Variants in CRISPLD1 observed in about 807,000 individuals in gnomAD.
The protein encoded by CRISPLD1 is cysteine-rich secretory protein LCCL domain-containing 1.
In CRISPLD1, 60 loss-of-function variants were observed where a neutral mutation model predicts 77.5. That is an observed-to-expected ratio of 0.77 (90% CI 0.63 to 0.96). The LOEUF (loss-of-function observed/expected upper bound fraction) is 0.96, where lower values mean the gene tolerates loss of function less well. Ranked by LOEUF, CRISPLD1 falls within the 40% of genes least tolerant of loss-of-function variation. The pLI, the probability that CRISPLD1 is intolerant of heterozygous loss-of-function variation, is 0.00. For missense variants in CRISPLD1, 623 were observed against 615.8 expected, an observed-to-expected ratio of 1.01 and a Z score of -0.12; for synonymous variants, 195 against 200.1, an observed-to-expected ratio of 0.97 and a Z score of 0.22.
intron 2 of CRISPLD1, among the ~76,000 whole-genome samples, chr8:75,010,751 G>A (rs931590433): frequency 1.3e-5 from 2 of 151,768 alleles, no homozygotes; most frequent in Admixed American, 6.6e-5. Flanking sequence ...TCTTGTTAGA[G>A]TTTTTTCCTT....
rs1464858066 is a variant in CRISPLD1, at chr8:75,016,814, G to T, written c.869-67G>T. 5 of 1,525,782 alleles carry T rather than the reference G, an allele frequency of 3.3e-6. No homozygotes were observed. In the East Asian group the frequency reaches 9.1e-5, roughly 28 times the overall value. 94.5% of individuals were successfully genotyped at this position (1,525,782 alleles called of 1,614,324 possible). On this transcript the variant is annotated intron_variant, in intron 7 of 14. Coordinates refer to ENST00000262207, the MANE Select transcript of CRISPLD1 (RefSeq NM_031461.6). ...AGAATGGAAAAAATTTTGTCATTAG[G>T]CTATATATAATGAACTACAACTGCT... is the stretch of plus-strand genomic sequence containing the variant.
intron 2 of CRISPLD1, among the ~76,000 whole-genome samples, chr8:75,007,467 C>A (rs906139251): frequency 6.6e-6 from 1 of 151,964 alleles, no homozygotes; most frequent in African/African-American, 2.4e-5. Context: ...CAAAGGATAG[C>A]AAATTTTTAT....
chr8:74,992,234 G>C (rs1360866406), intron 2 of CRISPLD1, among the ~76,000 whole-genome samples: 2 of 152,154 alleles, frequency 1.3e-5, no homozygotes, highest in Non-Finnish European at 2.9e-5. Flanking sequence ...ACCAAAACCA[G>C]AGATATCGAT....
At chr8:74,991,372 C>T (rs913008893) in intron 2 of CRISPLD1, among the ~76,000 whole-genome samples, 3 of 152,134 alleles carry the variant, frequency 2.0e-5, no homozygotes, top group South Asian at 2.1e-4. Context: ...AACCAATCTG[C>T]GCTGGTTGCT....
intron 12 of CRISPLD1, among the ~76,000 whole-genome samples, chr8:75,022,686 G>A (rs965779896): frequency 6.6e-6 from 1 of 151,858 alleles, no homozygotes; most frequent in African/African-American, 2.4e-5. Flanking sequence ...AGGGAACCAT[G>A]TAGTTGGTAT....
At chr8:74,995,458 T>A (rs1812632187) in intron 2 of CRISPLD1, among the ~76,000 whole-genome samples, 1 of 152,158 alleles carries the variant, frequency 6.6e-6, no homozygotes, top group African/African-American at 2.4e-5. Flanking sequence ...ACATGCAACA[T>A]CTCCTGTGGG....
chr8:75,006,033 C>T (rs930772273), intron 2 of CRISPLD1, among the ~76,000 whole-genome samples: 1 of 152,022 alleles, frequency 6.6e-6, no homozygotes, highest in Non-Finnish European at 1.5e-5. Context: ...GAACATTGTA[C>T]CCAATTACCA....
Position 75,016,655 on chromosome 8 carries a change from C to A in CRISPLD1, c.818C>A (p.Thr273Lys). Residue 273 changes from threonine to lysine, a missense_variant, in exon 7 of 15, where the codon ACA becomes AAA. Physicochemically the swap from Thr to Lys is moderately conservative, Grantham distance 78. Coordinates refer to ENST00000262207, the MANE Select transcript of CRISPLD1 (RefSeq NM_031461.6). ...QSQVHDTHVR[T>K]RSDDSSRNEV... ...CAAGTCCATGACACCCATGTCCGGA[C>A]AAGATCAGATGATAGTAGCAGAAAT... 6.2e-7 allele frequency: 1 copy of A among 1,613,346 alleles called. No individual in the cohort carries two copies. Among genetic ancestry groups the A allele is most frequent in the Non-Finnish European group, 8.5e-7 (1 of 1,179,548 alleles).
chr8:75,032,078 A>G, intron 14 of CRISPLD1, 113 bp from the exon 15 acceptor site: 2 of 672,044 alleles, frequency 3.0e-6, no homozygotes, highest in South Asian at 4.6e-5. Context: ...AAAGTTGACC[A>G]TCTGGATTCA....
intron 2 of CRISPLD1, among the ~76,000 whole-genome samples, chr8:74,994,412 G>A (rs1478213346): frequency 6.6e-6 from 1 of 152,172 alleles, no homozygotes; most frequent in Non-Finnish European, 1.5e-5. Context: ...TGGCTACTGT[G>A]TTTTGAAAAC....
chr8:75,002,722 C>T (rs1812766508), intron 2 of CRISPLD1, among the ~76,000 whole-genome samples: 1 of 151,904 alleles, frequency 6.6e-6, no homozygotes, highest in Non-Finnish European at 1.5e-5. Context: ...CCTCGGAATT[C>T]CTGTTTGTGT....
At chr8:75,013,168 A>G in intron 4 of CRISPLD1, 146 bp downstream of exon 4, 1 of 573,640 alleles carries the variant, frequency 1.7e-6, no homozygotes. Flanking sequence ...ATTGGCTTAC[A>G]AAGTTCTATA....
At position 75,012,462 on chromosome 8, in the gene CRISPLD1, A is replaced by G. The variant is rs1201258508; in HGVS notation, c.288A>G (p.Ala96=). The G allele has an allele frequency of 1.2e-6, 2 of 1,612,892 alleles. No homozygotes were observed. Among genetic ancestry groups the G allele is most frequent in the Non-Finnish European group, 1.7e-6 (2 of 1,179,166 alleles). ...GGGATGTAGAGCTGGAAAGATCTGC[A>G]GAATCCTGGGCTGAAAGTTGCTTGT... ...MTWDVELERS[A]ESWAESCLWE... is the part of the protein sequence containing the mutation. The change falls in exon 3 of 15, where the codon GCA becomes GCG. Residue 96 remains alanine (A), a synonymous_variant. Coordinates refer to ENST00000262207, the MANE Select transcript of CRISPLD1 (RefSeq NM_031461.6).
intron 2 of CRISPLD1, among the ~76,000 whole-genome samples, chr8:75,002,580 G>C (rs922976383): frequency 6.6e-6 from 1 of 151,932 alleles, no homozygotes; most frequent in Admixed American, 6.6e-5. Context: ...GGGTGCCCAG[G>C]CTTTTGTGGT....
intron 2 of CRISPLD1, among the ~76,000 whole-genome samples, chr8:74,992,785 C>G (rs1003969283): frequency 1.3e-5 from 2 of 152,120 alleles, no homozygotes; most frequent in Non-Finnish European, 2.9e-5. Context: ...CAACCAGAAC[C>G]CAGGGGCCAA....
chr8:74,996,053 TATAA>T (rs1812641969), intron 2 of CRISPLD1, among the ~76,000 whole-genome samples: 1 of 148,370 alleles, frequency 6.7e-6, no homozygotes, highest in Admixed American at 6.7e-5. Context: ...TATATATATA[TATAA>T]ATACGCATGT....
chr8:74,993,141 C>T (rs917164995), intron 2 of CRISPLD1, among the ~76,000 whole-genome samples: 14 of 152,218 alleles, frequency 9.2e-5, no homozygotes, highest in East Asian at 1.9e-4. Flanking sequence ...GGCCTTATAA[C>T]TTATTTACCC....
intron 14 of CRISPLD1, among the ~76,000 whole-genome samples, chr8:75,030,931 T>G (rs1046607441): frequency 6.6e-6 from 1 of 151,880 alleles, no homozygotes; most frequent in Non-Finnish European, 1.5e-5. Context: ...CATATACATA[T>G]ATATATGTTA....
Position 75,009,708 on chromosome 8 carries a change from G to A in CRISPLD1, c.259-2725G>A, listed in dbSNP as rs189006169. On this transcript the variant is annotated intron_variant, in intron 2 of 14. Transcript: ENST00000262207. ...CCCCTAAGGACAACCTATGTCTTTA[G>A]GGACTCCATCTGGAAACCTGCTTAC... Among the ~76,000 whole-genome samples, 4 of 152,088 alleles carry A rather than the reference G, an allele frequency of 2.6e-5. No individual in the cohort carries two copies. The East Asian group carries it at 7.8e-4, about 29-fold the overall frequency.
Sources: gnomAD v4.1 joint callset for allele counts (sites outside exome capture counted in the v4.1 genomes callset) on GRCh38, gnomAD v4.1.1 for gene constraint, MANE v1.5 for transcripts, NCBI Gene and HGNC (gene_info 2026-07-23, HGNC 2026-07-21) for gene names.